The following TNS1 variants were observed in gnomAD, a reference collection of about 807,000 sequenced individuals.
TNS1 encodes tensin-1.
A neutral mutation model predicts 168.6 loss-of-function variants in TNS1; 62 were observed. The observed-to-expected ratio is 0.37, with a 90% confidence interval of 0.30 to 0.45. The LOEUF (loss-of-function observed/expected upper bound fraction) is 0.45, where lower values mean the gene tolerates loss of function less well. Among genes scored for constraint, TNS1 ranks in the 20% least tolerant of loss-of-function variants. The pLI, the probability that TNS1 is intolerant of heterozygous loss-of-function variation, is 1.00. For missense variants in TNS1, 2,240 were observed against 2,339.4 expected (o/e 0.96, Z 0.88); for synonymous variants, 934 against 933.2 (o/e 1.00, Z -0.02).
chr2:217,895,364 A>T (rs958106283), intron 8 of TNS1, among the ~76,000 whole-genome samples: 2 of 152,352 alleles, frequency 1.3e-5, no homozygotes, highest in Admixed American at 6.5e-5. Context: ...GAGGAACTCA[A>T]CTGTAGGTCC....
In TNS1 at chr2:218,032,553, C is replaced by T. The variant is rs1015639610; in HGVS notation, c.156+1267G>A. Among the ~76,000 whole-genome samples, 2 of 152,252 alleles carry T rather than the reference C, an allele frequency of 1.3e-5. No homozygotes were observed. The highest frequency in any genetic ancestry group is 3.4e-3 in the Middle Eastern group (1 of 294). On this transcript the variant is annotated intron_variant, in intron 1 of 1. Coordinates refer to the TNS1 transcript ENST00000649572. The surrounding 1 kb of genome is among the most constrained non-coding windows in gnomAD (Gnocchi z 4.0). ...TCTGCAGCAGGACTGGCAGTGGGTG[C>T]GCCCTGGCAGGCAGCCCAGATGTCT...
At chr2:217,918,457 T>A (rs1955353215) in intron 4 of TNS1, among the ~76,000 whole-genome samples, 1 of 152,176 alleles carries the variant, frequency 6.6e-6, no homozygotes, top group South Asian at 2.1e-4. Flanking sequence ...CAGAGCCCCC[T>A]GCACAGGCGG....
chr2:217,847,451 C>A (rs1379014485), intron 19 of TNS1, 59 bp downstream of exon 19: 16 of 1,359,174 alleles, frequency 1.2e-5, no homozygotes, highest in Non-Finnish European at 1.5e-5. Context: ...ACCTGCACCT[C>A]CCCCCAGCAA....
intron 1 of TNS1, among the ~76,000 whole-genome samples, chr2:217,994,231 C>T (rs1958428548): frequency 6.6e-6 from 1 of 152,156 alleles, no homozygotes; most frequent in Admixed American, 6.5e-5. Flanking sequence ...TCATCTATCT[C>T]ACTTCCCCTG....
rs72950179 is a variant in TNS1 at position 217,899,781 on chromosome 2, A to G, written c.371+682T>C. Among the ~76,000 whole-genome samples the G allele has an allele frequency of 5.0e-4, 76 of 152,308 alleles. No homozygotes were observed. In the Middle Eastern group the frequency reaches 0.02, roughly 41 times the overall value. On this transcript the variant is annotated intron_variant, in intron 7 of 32. Coordinates refer to ENST00000682258, the MANE Select transcript of TNS1 (RefSeq NM_001387777.1). ...GCATCCACCTGCCCAGGTCTAAGGG[A>G]AGGAGGGGATCCTCTAAGGAGCCAC...
At chr2:217,892,694 T>G (rs1345989) in intron 11 of TNS1, among the ~76,000 whole-genome samples, 22,354 of 152,088 alleles carry the variant, frequency 0.15, 2,027 homozygotes, top group East Asian at 0.41. Context: ...GCCGCATGGG[T>G]TGCTCAGGAC....
chr2:217,953,140 G>A (rs1432921479), intron 3 of TNS1, among the ~76,000 whole-genome samples: 1 of 152,048 alleles, frequency 6.6e-6, no homozygotes, highest in Non-Finnish European at 1.5e-5. Context: ...GGAAAGAGCA[G>A]CTCGGGCCCC....
At chr2:217,884,312 CGGATGGATGAAT>C (rs1559297220) in intron 16 of TNS1, among the ~76,000 whole-genome samples, 2 of 150,522 alleles carry the variant, frequency 1.3e-5, no homozygotes, top group Non-Finnish European at 3.0e-5. Flanking sequence ...GATGGACAGA[CGGATGGATGAAT>C]GGATGGATGG....
intron 3 of TNS1, among the ~76,000 whole-genome samples, chr2:217,960,590 C>A (rs916654065): frequency 2.0e-5 from 3 of 152,144 alleles, no homozygotes; most frequent in African/African-American, 7.2e-5. Flanking sequence ...TCGGCCTCCA[C>A]GTACCAGCAG....
Position 217,810,285 on chromosome 2 carries a change from A to G in TNS1, c.5067T>C (p.Pro1689=), listed in dbSNP as rs372504475. Residue 1689 remains proline (P), a synonymous_variant, in exon 29 of 33, where the codon CCT becomes CCC. Coordinates refer to ENST00000682258, the MANE Select transcript of TNS1 (RefSeq NM_001387777.1). Reference sequence around the variant, plus strand: ...TCAGCAGGTCTGCAGTTGAGTTGGCAGGGCCGGAGCTATCTTTCGATTCAT... The same window carrying G: ...TCAGCAGGTCTGCAGTTGAGTTGGCGGGGCCGGAGCTATCTTTCGATTCAT... ...PTDESKDSSG[P]ANSTADLLKQ... The G allele has an allele frequency of 1.9e-6, 3 of 1,614,170 alleles. No individual in the cohort carries two copies. The highest frequency in any genetic ancestry group is 2.5e-6 in the Non-Finnish European group (3 of 1,180,020).
intron 3 of TNS1, among the ~76,000 whole-genome samples, chr2:217,962,311 C>T (rs897361277): frequency 1.3e-5 from 2 of 152,022 alleles, no homozygotes; most frequent in Admixed American, 6.6e-5. Flanking sequence ...GGCGTGGTGG[C>T]GCATGCCTGT....
At chr2:217,808,452 C>T (rs1170987272) in intron 31 of TNS1, 151 bp downstream of exon 31, 1 of 809,830 alleles carries the variant, frequency 1.2e-6, no homozygotes, top group Non-Finnish European at 2.0e-6. Flanking sequence ...AGATGCCCAA[C>T]ACGATTACTC....
intron 6 of TNS1, chr2:217,905,380 C>T (rs1471406174): frequency 2.0e-5 from 9 of 451,954 alleles, no homozygotes; most frequent in Non-Finnish European, 3.6e-5. Flanking sequence ...GGGATGCTGC[C>T]GCTTTGTAGG....
Position 217,948,283 on chromosome 2 carries a change from C to A in TNS1, c.187-28047G>T, listed in dbSNP as rs186464628. ...TAGTCTCTGGGGCAATTACTGGAGC[C>A]GCCTCCTCTAGCACCCTGGGCCCTC... On this transcript the variant is annotated intron_variant, in intron 3 of 32. Coordinates refer to ENST00000682258, the MANE Select transcript of TNS1 (RefSeq NM_001387777.1). This position sits in a 1 kb window ranked among gnomAD's most constrained non-coding sequence, Gnocchi z 4.1. Among the ~76,000 whole-genome samples the A allele has an allele frequency of 2.6e-5, 4 of 152,188 alleles. No individual in the cohort carries two copies. Among genetic ancestry groups the A allele is most frequent in the Admixed American group, 6.5e-5 (1 of 15,282 alleles).
At chr2:217,975,598 C>G (rs1957874751) in intron 3 of TNS1, among the ~76,000 whole-genome samples, 1 of 152,142 alleles carries the variant, frequency 6.6e-6, no homozygotes, top group Non-Finnish European at 1.5e-5. Flanking sequence ...GGAGACCAAG[C>G]AAAGCTGAAA....
intron 2 of TNS1, among the ~76,000 whole-genome samples, chr2:217,979,884 TCTC>T (rs879724804): frequency 3.6e-4 from 54 of 151,874 alleles, no homozygotes; most frequent in Non-Finnish European, 2.1e-4. Flanking sequence ...TCCACCTCCT[TCTC>T]CTGGATCTAT....
intron 18 of TNS1, among the ~76,000 whole-genome samples, chr2:217,857,509 C>T (rs1408568997): frequency 2.6e-5 from 4 of 152,208 alleles, no homozygotes; most frequent in Non-Finnish European, 5.9e-5. Flanking sequence ...ATATATGGTG[C>T]TTCTGTCAAG....
At chr2:218,020,619 T>A (rs936291374) in intron 1 of TNS1, among the ~76,000 whole-genome samples, 2 of 151,778 alleles carry the variant, frequency 1.3e-5, no homozygotes, top group Admixed American at 1.3e-4. Flanking sequence ...ACAGGAAGGT[T>A]GGTAGAATAT....
chr2:217,922,994 C>T (rs1210455321), intron 3 of TNS1, among the ~76,000 whole-genome samples: 1 of 152,134 alleles, frequency 6.6e-6, no homozygotes, highest in African/African-American at 2.4e-5. Flanking sequence ...CTCTCCGGCA[C>T]CCTGGCCCCT....
Sources: allele counts gnomAD v4.1 joint callset (sites outside exome capture counted in the v4.1 genomes callset), GRCh38; gene constraint gnomAD v4.1.1; non-coding constraint Gnocchi (gnomAD v3.1); transcripts MANE v1.5; gene names NCBI Gene and HGNC (gene_info 2026-07-23, HGNC 2026-07-21).